Variants in CTIF observed in about 807,000 individuals in gnomAD.
CTIF encodes cap binding complex dependent translation initiation factor.
Under a neutral mutation model 66.0 loss-of-function variants are expected in CTIF, and 21 were observed. The observed-to-expected ratio is 0.32, with a 90% CI of 0.23 to 0.46. CTIF has a LOEUF of 0.46. Among genes scored for constraint, CTIF ranks in the 20% least tolerant of loss-of-function variants. The pLI, the probability that CTIF is intolerant of heterozygous loss-of-function variation, is 1.00. For missense variants in CTIF, 739 were observed against 812.7 expected (o/e 0.91, Z 1.10); for synonymous variants, 345 against 326.4 (o/e 1.06, Z -0.62).
chr18:48,635,217 G>A (rs1394099769), intron 2 of CTIF, among the ~76,000 whole-genome samples: 1 of 152,130 alleles, frequency 6.6e-6, no homozygotes, highest in Non-Finnish European at 1.5e-5. Flanking sequence ...GTTTTAGAAA[G>A]CCAGGACTGC....
Position 48,800,933 on chromosome 18 carries a change from C to A in CTIF, c.1372-16288C>A, listed in dbSNP as rs186286774. Among the ~76,000 whole-genome samples the A allele has an allele frequency of 1.8e-4, 28 of 152,376 alleles. No homozygotes were observed. The East Asian group carries it at 5.2e-3, about 28-fold the overall frequency. ...CCTCAACCACATGAAACAGACCTGG[C>A]AAAGGGCCTCTGCCTGGGATCCAGG... On this transcript the variant is annotated intron_variant, in intron 9 of 11. Transcript: ENST00000256413.
intron 10 of CTIF, among the ~76,000 whole-genome samples, chr18:48,836,942 A>G (rs2146505949): frequency 6.6e-6 from 1 of 152,306 alleles, no homozygotes; most frequent in East Asian, 1.9e-4. Flanking sequence ...CTAGTCCTGC[A>G]TCCCTGCCCA....
chr18:48,666,954 C>A (rs2091447082), intron 5 of CTIF, among the ~76,000 whole-genome samples: 1 of 152,158 alleles, frequency 6.6e-6, no homozygotes, highest in Admixed American at 6.5e-5. Flanking sequence ...TGTCCTGTTG[C>A]AACAGTGTAG....
intron 9 of CTIF, among the ~76,000 whole-genome samples, chr18:48,763,776 C>T (rs946381741): frequency 8.5e-5 from 13 of 152,098 alleles, no homozygotes; most frequent in Non-Finnish European, 1.9e-4. Context: ...GCCGGGGTCT[C>T]GGGCAGGGGC....
intron 8 of CTIF, 29 bp downstream of exon 8, chr18:48,758,434 C>G (rs750860562): frequency 1.9e-6 from 3 of 1,557,292 alleles, no homozygotes; most frequent in Non-Finnish European, 2.6e-6. Context: ...TTGTTCTTCT[C>G]TTGCACCAGG....
intron 9 of CTIF, among the ~76,000 whole-genome samples, chr18:48,807,160 G>A (rs1021145385): frequency 2.6e-5 from 4 of 152,202 alleles, no homozygotes; most frequent in Non-Finnish European, 4.4e-5. Context: ...CACACAGGCT[G>A]GGTTTTGGTG....
intron 10 of CTIF, among the ~76,000 whole-genome samples, chr18:48,838,860 T>C (rs1457783991): frequency 6.6e-6 from 1 of 152,162 alleles, no homozygotes; most frequent in Admixed American, 6.5e-5. Context: ...CCCCAAACTC[T>C]AGATCTGCAT....
In CTIF at chr18:48,861,883, T is replaced by C. The variant is rs2069477628; in HGVS notation, c.*2324T>C. The C allele has an allele frequency of 6.6e-6, 1 of 152,186 alleles. No individual in the cohort carries two copies. Among genetic ancestry groups the C allele is most frequent in the Admixed American group, 6.5e-5 (1 of 15,268 alleles). 9.4% of individuals were successfully genotyped at this position (152,186 alleles called of 1,614,324 possible). A position where few individuals can be genotyped will look rare whatever the true frequency, so the allele number is the denominator to read the frequency against. On this transcript the variant is annotated 3_prime_UTR_variant, in exon 12 of 12. Coordinates refer to ENST00000256413, the MANE Select transcript of CTIF (RefSeq NM_014772.3). ...ATAAATATGTATACATATATAAATATATTTTTAATTACATGTCGTGTCACG... is the reference window on the plus strand; with the variant it reads ...ATAAATATGTATACATATATAAATACATTTTTAATTACATGTCGTGTCACG...
chr18:48,853,435 G>A (rs2069253874), intron 10 of CTIF, among the ~76,000 whole-genome samples: 1 of 152,162 alleles, frequency 6.6e-6, no homozygotes, highest in South Asian at 2.1e-4. Flanking sequence ...AAATATGTGG[G>A]TGGGATGCGA....
intron 1 of CTIF, among the ~76,000 whole-genome samples, chr18:48,606,405 G>A (rs1449848769): frequency 6.6e-6 from 1 of 152,236 alleles, no homozygotes; most frequent in African/African-American, 2.4e-5. Flanking sequence ...GTCCCCATAT[G>A]GGAGGGTAAC....
At chr18:48,730,314 T>TCTGCGGTGTGAGGGGCCC (rs1193522093) in intron 7 of CTIF, among the ~76,000 whole-genome samples, 125 of 94,582 alleles carry the variant, frequency 1.3e-3, no homozygotes, top group Non-Finnish European at 2.1e-3. Context: ...GTGAGGGGCT[T>TCTGCGGTGTGAGGGGCCC]CTGCGGTGTG....
chr18:48,670,528 C>G (rs943656105), intron 5 of CTIF, 141 bp from the exon 6 acceptor site: 10 of 700,948 alleles, frequency 1.4e-5, no homozygotes, highest in Non-Finnish European at 1.8e-5. Context: ...GCTGTTTCCT[C>G]TAGGTGGGAC....
chr18:48,808,682 T>C (rs535259955), intron 9 of CTIF, among the ~76,000 whole-genome samples: 1 of 152,224 alleles, frequency 6.6e-6, no homozygotes, highest in Non-Finnish European at 1.5e-5. Flanking sequence ...TTTGTGGTCC[T>C]CAAGGGATCA....
rs1239824939 is a variant in CTIF, at chr18:48,758,363, C to A, written c.1029C>A (p.Leu343=). The A allele has an allele frequency of 1.2e-6, 2 of 1,608,676 alleles. No individual in the cohort carries two copies. Among genetic ancestry groups the A allele is most frequent in the Middle Eastern group, 1.7e-4 (1 of 6,030 alleles). ...GGGAGCGGCCCAAAATTACCCTGCT[C>A]CAGTCTTCCAAAGACAGACTGCGGC... ...RIGERPKITL[L]QSSKDRLRRR... Residue 343 remains leucine (L), a synonymous_variant, in exon 8 of 12, where the codon CTC becomes CTA. Coordinates refer to ENST00000256413, the MANE Select transcript of CTIF (RefSeq NM_014772.3).
chr18:48,700,485 G>A (rs765728276), intron 6 of CTIF, among the ~76,000 whole-genome samples: 7 of 152,194 alleles, frequency 4.6e-5, no homozygotes, highest in African/African-American at 7.2e-5. Context: ...GCTTCCCCCC[G>A]GCACAGCGGG....
At chr18:48,667,837 G>A (rs903665902) in intron 5 of CTIF, among the ~76,000 whole-genome samples, 5 of 152,198 alleles carry the variant, frequency 3.3e-5, no homozygotes, top group African/African-American at 7.2e-5. Context: ...GGGAGTCTGA[G>A]TGCAGTGTCT....
At chr18:48,679,699 T>C (rs1199491750) in intron 6 of CTIF, among the ~76,000 whole-genome samples, 1 of 152,236 alleles carries the variant, frequency 6.6e-6, no homozygotes, top group African/African-American at 2.4e-5. Flanking sequence ...ACCTCCTGCA[T>C]GAAACTATTC....
At chr18:48,814,233 A>G (rs2068316702) in intron 9 of CTIF, among the ~76,000 whole-genome samples, 1 of 152,208 alleles carries the variant, frequency 6.6e-6, no homozygotes, top group South Asian at 2.1e-4. Flanking sequence ...GAGGGGCACC[A>G]TTTTAACACC....
rs573813626 is a variant in CTIF at position 48,764,167 on chromosome 18, C to T, written c.1371+2478C>T. Among the ~76,000 whole-genome samples, 15 of 152,290 alleles carry T rather than the reference C, an allele frequency of 9.8e-5. No homozygotes were observed. The East Asian group carries it at 2.7e-3, about 27-fold the overall frequency. The stretch of plus-strand genomic sequence containing the variant: ...CAGGTGGTGCTAGGGCCCCACTTTC[C>T]AGGAAACACTGGCCCTTCTCCTGTC... On this transcript the variant is annotated intron_variant, in intron 9 of 11. Transcript: ENST00000256413.
Sources: gnomAD v4.1 joint callset for allele counts (sites outside exome capture counted in the v4.1 genomes callset) on GRCh38, gnomAD v4.1.1 for gene constraint, MANE v1.5 for transcripts, NCBI Gene and HGNC (gene_info 2026-07-23, HGNC 2026-07-21) for gene names.